Variants in DAB1 observed in about 807,000 individuals in gnomAD.
The protein encoded by DAB1 is DAB adaptor protein 1.
A neutral mutation model predicts 64.6 loss-of-function variants in DAB1; 15 were observed. The ratio of observed to expected loss-of-function variants is 0.23; its 90% CI spans 0.16 to 0.36. The LOEUF (loss-of-function observed/expected upper bound fraction) is 0.36, where lower values mean the gene tolerates loss of function less well. DAB1 is among the 10% of genes least tolerant of loss of function. The probability of loss-of-function intolerance (pLI) is 1.00; values close to 1 mark genes in which losing one functional copy is unlikely to be tolerated. For synonymous variants in DAB1, 235 were observed against 251.9 expected (o/e 0.93, Z 0.64); for missense variants, 596 against 706.7 (o/e 0.84, Z 1.78).
chr1:57,562,989 C>G (rs1441148807), intron 7 of DAB1, among the ~76,000 whole-genome samples: 1 of 152,170 alleles, frequency 6.6e-6, no homozygotes, highest in African/African-American at 2.4e-5. Context: ...TAGGGCGTCT[C>G]TTAGTATTAC....
intron 2 of DAB1, among the ~76,000 whole-genome samples, chr1:57,205,860 G>A (rs1665495223): frequency 6.6e-6 from 1 of 152,116 alleles, no homozygotes; most frequent in Non-Finnish European, 1.5e-5. Context: ...AAACAATATA[G>A]ACCAAATGAC....
chr1:57,695,299 GGAAAGAAAGAAAGAA>G (rs1646814450), intron 6 of DAB1, among the ~76,000 whole-genome samples: 19 of 37,250 alleles, frequency 5.1e-4, no homozygotes, highest in African/African-American at 1.3e-3. Context: ...GGAGAGAGAA[GGAAAGAAAGAAAGAA>G]AGAAAGAAAG....
At chr1:57,639,613 C>T (rs1276753624) in intron 7 of DAB1, among the ~76,000 whole-genome samples, 1 of 152,044 alleles carries the variant, frequency 6.6e-6, no homozygotes, top group African/African-American at 2.4e-5. Flanking sequence ...ATAATGTGTC[C>T]ATGAACTAAG....
intron 1 of DAB1, among the ~76,000 whole-genome samples, chr1:57,865,278 G>A (rs545101585): frequency 1.3e-5 from 2 of 152,300 alleles, no homozygotes; most frequent in East Asian, 3.9e-4. Flanking sequence ...CAAGAGAGGA[G>A]CTAGAAAAGG....
intron 7 of DAB1, among the ~76,000 whole-genome samples, chr1:57,558,996 A>G (rs756275995): frequency 5.0e-4 from 76 of 152,212 alleles, no homozygotes; most frequent in Non-Finnish European, 9.1e-4. Flanking sequence ...CGGGTCTAAC[A>G]GTGGGAACCA....
At chr1:57,425,205 C>T (rs551556653), upstream of DAB1, among the ~76,000 whole-genome samples, 1 of 152,090 alleles carries the variant, frequency 6.6e-6, no homozygotes, top group African/African-American at 2.4e-5. Context: ...CACAAACCAC[C>T]CTGTTGGACC....
intron 7 of DAB1, among the ~76,000 whole-genome samples, chr1:57,523,798 C>CA (rs1644559291): frequency 6.6e-6 from 1 of 151,854 alleles, no homozygotes; most frequent in Non-Finnish European, 1.5e-5. Context: ...GATGGTGCAT[C>CA]CCTGTAGTCC....
At chr1:57,286,623 G>C (rs909728303) in intron 2 of DAB1, among the ~76,000 whole-genome samples, 4 of 152,122 alleles carry the variant, frequency 2.6e-5, no homozygotes, top group Admixed American at 1.3e-4. Flanking sequence ...TGTAAAGAAA[G>C]TTAATATTTT....
chr1:57,410,603 T>G (rs1360964237), intron 1 of DAB1, among the ~76,000 whole-genome samples: 1 of 152,144 alleles, frequency 6.6e-6, no homozygotes, highest in East Asian at 1.9e-4. Flanking sequence ...CAAGTCCCCC[T>G]CCTCCCTGCC....
rs535283543 is a variant in DAB1, at chr1:57,615,036, A to T, written n.625+34556T>A. On this transcript the variant is annotated intron_variant and non_coding_transcript_variant, in intron 7 of 20. Coordinates refer to the DAB1 transcript ENST00000485760. ...AGGCACCCACCACCGCGCCTGGCTA[A>T]TTTTTTTGTATTTTTAGTAGAGACA... Among the ~76,000 whole-genome samples the T allele has an allele frequency of 4.0e-5, 6 of 151,206 alleles. No individual in the cohort carries two copies. In the East Asian group the frequency reaches 9.8e-4, roughly 25 times the overall value.
intron 7 of DAB1, among the ~76,000 whole-genome samples, chr1:57,431,143 C>CAAAAAAAA (rs77701798): frequency 2.6e-4 from 25 of 96,396 alleles, no homozygotes; most frequent in African/African-American, 7.0e-4. Context: ...AGGCCAAAAA[C>CAAAAAAAA]AAAAAAAAAA....
At chr1:57,912,806 A>G (rs1357883802) in intron 5 of DAB1, among the ~76,000 whole-genome samples, 1 of 152,188 alleles carries the variant, frequency 6.6e-6, no homozygotes, top group Admixed American at 6.5e-5. Flanking sequence ...ATAACAGACA[A>G]ACAGAGAGCC....
At position 57,846,869 on chromosome 1, in the gene DAB1, G is replaced by GT. The variant is rs529175153; in HGVS notation, n.88-20415dup. ...AACAATCTGCATTAGGTCCTGAAGA[G>GT]TTTTTCCAGGCAAAAAGGAGACAGT... On this transcript the variant is annotated intron_variant and non_coding_transcript_variant, in intron 1 of 1. Coordinates refer to the DAB1 transcript ENST00000477280. Among the ~76,000 whole-genome samples the GT allele has an allele frequency of 2.0e-4, 31 of 152,326 alleles. No individual in the cohort carries two copies. The South Asian group carries it at 6.4e-3, about 32-fold the overall frequency.
intron 4 of DAB1, among the ~76,000 whole-genome samples, chr1:58,245,891 C>A (rs1000411049): frequency 1.9e-4 from 29 of 152,154 alleles, no homozygotes; most frequent in African/African-American, 6.8e-4. Context: ...GCACATCCTG[C>A]ACATACAGTA....
At chr1:57,067,724 G>A (rs921475011) in intron 8 of DAB1, among the ~76,000 whole-genome samples, 1 of 152,022 alleles carries the variant, frequency 6.6e-6, no homozygotes, top group African/African-American at 2.4e-5. Flanking sequence ...TTTTACAGAT[G>A]AGTAAACTGA....
At chr1:58,099,719 A>C (rs952181062) in intron 5 of DAB1, among the ~76,000 whole-genome samples, 2 of 152,202 alleles carry the variant, frequency 1.3e-5, no homozygotes, top group Non-Finnish European at 2.9e-5. Context: ...ACTGACTCCT[A>C]ATAATGCCAA....
rs559700911 is a variant in DAB1, at chr1:57,103,149, G to A, written c.307-30735C>T. ...GCTGGAAGCACATTATCTAGTAAAT[G>A]AGATGCAATGCTAAAAGGAAAGAAA... On this transcript the variant is annotated intron_variant, in intron 4 of 14. Coordinates refer to ENST00000371236, the MANE Select transcript of DAB1 (RefSeq NM_001365792.1). Among the ~76,000 whole-genome samples the A allele has an allele frequency of 4.6e-5, 7 of 152,270 alleles. No homozygotes were observed. The East Asian group carries it at 1.2e-3, about 25-fold the overall frequency.
At chr1:57,309,021 C>T (rs868274302) in intron 1 of DAB1, among the ~76,000 whole-genome samples, 3 of 152,166 alleles carry the variant, frequency 2.0e-5, no homozygotes, top group Non-Finnish European at 2.9e-5. Flanking sequence ...AACACAAATT[C>T]GTAAACGTTC....
chr1:57,200,298 A>G (rs956091934), intron 2 of DAB1, among the ~76,000 whole-genome samples: 5 of 152,214 alleles, frequency 3.3e-5, no homozygotes, highest in African/African-American at 1.2e-4. Context: ...CTGAGCACAT[A>G]TTATGTGCCA....
Sources: allele counts gnomAD v4.1 joint callset (sites outside exome capture counted in the v4.1 genomes callset), GRCh38; gene constraint gnomAD v4.1.1; transcripts MANE v1.5; gene names NCBI Gene and HGNC (gene_info 2026-07-23, HGNC 2026-07-21).